The following HLA-DQA2 variants were observed in gnomAD, a reference collection of about 807,000 sequenced individuals.
HLA-DQA2 encodes major histocompatibility complex, class II, DQ alpha 2.
A neutral mutation model predicts 21.0 loss-of-function variants in HLA-DQA2; 17 were observed. The observed-to-expected ratio is 0.81, with a 90% CI of 0.56 to 1.22. HLA-DQA2 has a LOEUF of 1.22. Among genes scored for constraint, HLA-DQA2 ranks in the 50% most tolerant of loss-of-function variants. The pLI, the probability that HLA-DQA2 is intolerant of heterozygous loss-of-function variation, is 0.00. For synonymous variants in HLA-DQA2, 81 were observed against 116.5 expected, an observed-to-expected ratio of 0.70 and a Z score of 1.96; for missense variants, 239 against 308.8, an observed-to-expected ratio of 0.77 and a Z score of 1.69.
intron 1 of HLA-DQA2, among the ~76,000 whole-genome samples, chr6:32,743,778 G>A (rs76818120): frequency 0.057 from 8,607 of 152,256 alleles, 702 homozygotes; most frequent in African/African-American, 0.18. Flanking sequence ...GGGTAGGGAA[G>A]AAGGTGAGCT....
rs965662821 is a variant in HLA-DQA2, at chr6:32,746,224, A to C, written c.614-16A>C. The C allele has an allele frequency of 2.5e-6, 4 of 1,610,980 alleles. No individual in the cohort carries two copies. ...GCACACTGCACATTCTGACCTCAAC[A>C]GCTCCACTTTCACAGAGCCTGAGAT... On this transcript the variant is annotated splice_polypyrimidine_tract_variant and intron_variant, in intron 3 of 4. Transcript: ENST00000374940.
At chr6:32,743,982 C>A (rs1763389758) in intron 1 of HLA-DQA2, among the ~76,000 whole-genome samples, 1 of 150,348 alleles carries the variant, frequency 6.7e-6, no homozygotes, top group African/African-American at 2.4e-5. Context: ...AAAAAACAGA[C>A]CCTTGCAAAG....
chr6:32,745,456 C>T (rs747567799), intron 2 of HLA-DQA2, 49 bp downstream of exon 2: 5 of 1,584,136 alleles, frequency 3.2e-6, no homozygotes, highest in Non-Finnish European at 8.7e-7. Flanking sequence ...ATCTTTCATA[C>T]CAAGTTTTAC....
intron 1 of HLA-DQA2, among the ~76,000 whole-genome samples, chr6:32,741,767 A>T (rs1763232802): frequency 6.6e-6 from 1 of 152,210 alleles, no homozygotes; most frequent in Non-Finnish European, 1.5e-5. Flanking sequence ...CAGAGACTAT[A>T]GCCTGGAGGT....
intron 4 of HLA-DQA2, 82 bp from the exon 5 acceptor site, chr6:32,746,500 G>T: frequency 2.7e-6 from 4 of 1,503,344 alleles, no homozygotes; most frequent in Non-Finnish European, 3.7e-6. Context: ...GTGGTTGAAA[G>T]TTGTAGGCGA....
At position 32,746,156 on chromosome 6, in the gene HLA-DQA2, A is replaced by C. The variant is rs1203137500; in HGVS notation, c.613+84A>C. The C allele has an allele frequency of 1.1e-5, 17 of 1,510,494 alleles. No individual in the cohort carries two copies. The Admixed American group carries it at 3.1e-4, about 27-fold the overall frequency. 93.6% of individuals were successfully genotyped at this position (1,510,494 alleles called of 1,614,324 possible). ...AAGCCTGGGGCCTTGAGTCTTGCAGAGCCAGCCCTCCACCCCATCCCATCC... is the reference window on the plus strand; with the variant it reads ...AAGCCTGGGGCCTTGAGTCTTGCAGCGCCAGCCCTCCACCCCATCCCATCC... On this transcript the variant is annotated intron_variant, in intron 3 of 4. Transcript: ENST00000374940.
At chr6:32,745,713 G>C in intron 2 of HLA-DQA2, 78 bp from the exon 3 acceptor site, 1 of 1,452,418 alleles carries the variant, frequency 6.9e-7, no homozygotes, top group Non-Finnish European at 9.5e-7. Flanking sequence ...GCTGGTAGGA[G>C]GGCTCTTCCA....
chr6:32,743,381 A>G (rs1763348100), intron 1 of HLA-DQA2, among the ~76,000 whole-genome samples: 1 of 152,238 alleles, frequency 6.6e-6, no homozygotes, highest in Non-Finnish European at 1.5e-5. Context: ...GTAATTGTCA[A>G]AAATTGCAAT....
chr6:32,746,193 A>C (rs1763577780), intron 3 of HLA-DQA2, 47 bp from the exon 4 acceptor site: 2 of 1,596,124 alleles, frequency 1.3e-6, no homozygotes, highest in Admixed American at 3.4e-5. Context: ...ACACACATGC[A>C]CATGAGCACA....
chr6:32,744,045 C>G (rs117735661), intron 1 of HLA-DQA2, among the ~76,000 whole-genome samples: 2 of 151,628 alleles, frequency 1.3e-5, no homozygotes. Context: ...TGAAGAATGT[C>G]GGACTGTAAG....
At position 32,745,328 on chromosome 6, in the gene HLA-DQA2, T is replaced by G. The variant is rs1325261203; in HGVS notation, c.252T>G (p.Ser84Arg). The G allele has an allele frequency of 1.3e-6, 2 of 1,586,012 alleles. No homozygotes were observed. Among genetic ancestry groups the G allele is most frequent in the Admixed American group, 1.7e-5 (1 of 57,716 alleles). Residue 84 changes from serine to arginine, a missense_variant, in exon 2 of 5, where the codon AGT (serine) becomes AGG (arginine). By Grantham distance (110) the Ser-to-Arg change is moderately radical. Transcript: ENST00000374940. ...AATTTATAAGTTTTGACCCGCAGAGTGCACTGAGAAATATGGCTGTGGGAA... is the reference window on the plus strand; with the variant it reads ...AATTTATAAGTTTTGACCCGCAGAGGGCACTGAGAAATATGGCTGTGGGAA... ...FSKFISFDPQ[S>R]ALRNMAVGKH... is the part of the protein sequence containing the mutation.
Position 32,745,218 on chromosome 6 carries a change from T to A in HLA-DQA2, c.142T>A (p.Tyr48Asn). 1 of 1,613,248 alleles carries A rather than the reference T, an allele frequency of 6.2e-7. No individual in the cohort carries two copies. The highest frequency in any genetic ancestry group is 8.5e-7 in the Non-Finnish European group (1 of 1,179,232). The change falls in exon 2 of 5, where the codon TAC becomes AAC. Residue 48 changes from tyrosine to asparagine, a missense_variant. Physicochemically the swap from Tyr to Asn is moderately radical, Grantham distance 143 (BLOSUM62 -2). Transcript: ENST00000374940. The part of the protein sequence containing the change: ...FYQSHGPSGQ[Y>N]THEFDGDEEF... ...CCAGTCTCACGGTCCCTCTGGCCAG[T>A]ACACCCATGAATTTGATGGAGACGA...
rs186853831 is a variant in HLA-DQA2, at chr6:32,745,242, G to A, written c.166G>A (p.Glu56Lys). 2.0e-5 allele frequency: 33 copies of A among 1,614,070 alleles called. No individual in the cohort carries two copies. Among genetic ancestry groups the A allele is most frequent in the Admixed American group, 1.8e-4 (11 of 60,026 alleles). ...GQYTHEFDGDEEFYVDLETKE... is the reference protein window; with the variant it reads ...GQYTHEFDGDKEFYVDLETKE... ...GTACACCCATGAATTTGATGGAGAC[G>A]AGGAGTTCTATGTGGACCTGGAGAC... Residue 56 changes from glutamate to lysine, a missense_variant, in exon 2 of 5, where the codon GAG (glutamate) becomes AAG (lysine). Glu to Lys is a moderately conservative substitution (Grantham distance 56, BLOSUM62 1). Transcript: ENST00000374940.
chr6:32,745,312 G>A lies in HLA-DQA2; in HGVS notation c.236G>A (p.Ser79Asn). Residue 79 changes from serine (S) to asparagine (N), a missense_variant, in exon 2 of 5, where the codon AGT becomes AAT. Ser to Asn is a conservative substitution (Grantham distance 46). Transcript: ENST00000374940. The part of the protein sequence containing the change: ...WQLPMFSKFI[S>N]FDPQSALRNM... ...TTGCCTATGTTTAGCAAATTTATAA[G>A]TTTTGACCCGCAGAGTGCACTGAGA... 6.3e-7 allele frequency: 1 copy of A among 1,583,694 alleles called. No individual in the cohort carries two copies. Among genetic ancestry groups the A allele is most frequent in the Non-Finnish European group, 8.6e-7 (1 of 1,164,322 alleles).
intron 1 of HLA-DQA2, 88 bp downstream of exon 1, chr6:32,741,613 G>C: frequency 7.9e-7 from 1 of 1,262,412 alleles, no homozygotes. Flanking sequence ...AGAAATAGTA[G>C]AAATTTCCCA....
At chr6:32,746,191 G>T in intron 3 of HLA-DQA2, 49 bp from the exon 4 acceptor site, 3 of 1,591,638 alleles carry the variant, frequency 1.9e-6, no homozygotes, top group Non-Finnish European at 2.6e-6. Context: ...CCACACACAT[G>T]CACATGAGCA....
rs533576674 is a variant in HLA-DQA2, at chr6:32,741,530, G to C, written c.82+5G>C. ...GTGGAGGTGAAGACATTGTGGGTGAGTACATGAGTGAGGAATGTTCTCTGG... is the reference window on the plus strand; with the variant it reads ...GTGGAGGTGAAGACATTGTGGGTGACTACATGAGTGAGGAATGTTCTCTGG... On this transcript the variant is annotated splice_donor_5th_base_variant and intron_variant, in intron 1 of 4. Transcript: ENST00000374940. 9.7e-5 allele frequency: 156 copies of C among 1,612,996 alleles called. No individual in the cohort carries two copies. The African/African-American group carries it at 1.5e-3, about 16-fold the overall frequency.
At position 32,746,407 on chromosome 6, in the gene HLA-DQA2, A is replaced by G. The variant is rs1763601291; in HGVS notation, c.*13A>G. 1 of 1,500,628 alleles carries G rather than the reference A, an allele frequency of 6.7e-7. No homozygotes were observed. Among genetic ancestry groups the G allele is most frequent in the Non-Finnish European group, 8.9e-7 (1 of 1,129,390 alleles). The allele number at this position is 1,500,628 out of a possible 1,614,324, so 93.0% of individuals were successfully genotyped here. On this transcript the variant is annotated 3_prime_UTR_variant, in exon 4 of 5. Coordinates refer to ENST00000374940, the MANE Select transcript of HLA-DQA2 (RefSeq NM_020056.5). ...AGGGCTCTTATGAATCCCATCCTGAAAAGGAAGGTAAGATTGAGATTTGTT... is the reference window on the plus strand; with the variant it reads ...AGGGCTCTTATGAATCCCATCCTGAGAAGGAAGGTAAGATTGAGATTTGTT...
In HLA-DQA2 at chr6:32,744,781, G is replaced by A. The variant is rs957871405; in HGVS notation, c.83-378G>A. On this transcript the variant is annotated intron_variant, in intron 1 of 4. Transcript: ENST00000374940. ...GTTATTAACTGAGAGAGAAAACTTA[G>A]GAAGCAGAGGGAAATAAACTGAATC... 2.0e-5 allele frequency among the ~76,000 whole-genome samples: 3 copies of A among 152,066 alleles called. No homozygotes were observed. In the East Asian group the frequency reaches 5.8e-4, roughly 29 times the overall value.
Sources: allele counts gnomAD v4.1 joint callset (sites outside exome capture counted in the v4.1 genomes callset), GRCh38; gene constraint gnomAD v4.1.1; transcripts MANE v1.5; gene names NCBI Gene and HGNC (gene_info 2026-07-23, HGNC 2026-07-21).